The following CAMK1D variants were observed in gnomAD, a reference collection of about 807,000 sequenced individuals.
The protein encoded by CAMK1D is calcium/calmodulin-dependent protein kinase type 1D.
A neutral mutation model predicts 47.7 loss-of-function variants in CAMK1D; 9 were observed. That is an observed-to-expected ratio of 0.19 (90% CI 0.11 to 0.33). The LOEUF is 0.33. Ranked by LOEUF, CAMK1D falls within the 10% of genes least tolerant of loss-of-function variation. CAMK1D has a pLI of 1.00. For synonymous variants in CAMK1D, 184 were observed against 184.9 expected (o/e 0.99, Z 0.04); for missense variants, 291 against 488.7 (o/e 0.60, Z 3.81).
At chr10:12,354,909 A>G (rs926647459) in intron 1 of CAMK1D, among the ~76,000 whole-genome samples, 1 of 148,986 alleles carries the variant, frequency 6.7e-6, no homozygotes, top group South Asian at 2.1e-4. Context: ...TGGTGCGATC[A>G]TAGCTCACTG....
rs181965069 is a variant in CAMK1D, at chr10:12,373,647, C to A, written c.92+23737C>A. ...GCTCCATCTCAAAAAAACAAACAAA[C>A]AAACAAAAAAACACCCCAAAATCTC... is the stretch of plus-strand genomic sequence containing the variant. On this transcript the variant is annotated intron_variant, in intron 1 of 10. Transcript: ENST00000619168. Among the ~76,000 whole-genome samples the A allele has an allele frequency of 2.5e-3, 377 of 152,090 alleles. 2 individuals are homozygous for A. The highest frequency in any genetic ancestry group is 8.6e-3 in the African/African-American group (356 of 41,516).
chr10:12,769,347 C>T (rs1419989912), intron 4 of CAMK1D, among the ~76,000 whole-genome samples: 1 of 152,212 alleles, frequency 6.6e-6, no homozygotes, highest in Non-Finnish European at 1.5e-5. Flanking sequence ...TGGAATCTCC[C>T]TTCCCTAACC....
chr10:12,772,339 G>T (rs1025105923), intron 5 of CAMK1D, among the ~76,000 whole-genome samples: 3 of 152,180 alleles, frequency 2.0e-5, no homozygotes, highest in Non-Finnish European at 4.4e-5. Context: ...AGGTCATGAT[G>T]CTGGTTCTCT....
At chr10:12,768,403 A>C (rs1417846765) in intron 4 of CAMK1D, among the ~76,000 whole-genome samples, 1 of 152,174 alleles carries the variant, frequency 6.6e-6, no homozygotes, top group Non-Finnish European at 1.5e-5. Flanking sequence ...TCTGAAACCC[A>C]AGGTTCACCA....
rs1352115666 is a variant in CAMK1D at position 12,445,192 on chromosome 10, A to G, written c.92+95282A>G. Among the ~76,000 whole-genome samples, 4 of 152,052 alleles carry G rather than the reference A, an allele frequency of 2.6e-5. No homozygotes were observed. The East Asian group carries it at 7.7e-4, about 29-fold the overall frequency. ...GTCGTGCCCGAATTCCAAAGGGAGG[A>G]GGGTAGAATGAGGTGTGTCCGATCC... On this transcript the variant is annotated intron_variant, in intron 1 of 10. Transcript: ENST00000619168.
rs191620553 is a variant in CAMK1D at position 12,593,400 on chromosome 10, G to A, written c.224+40044G>A. Among the ~76,000 whole-genome samples, 5 of 152,042 alleles carry A rather than the reference G, an allele frequency of 3.3e-5. 1 individual carries two copies. In the East Asian group the frequency reaches 7.7e-4, roughly 24 times the overall value. ...AGGTCAGGAGTTCAACACCAGCCTG[G>A]TCAACATGGTGAAACCCTGTCTTTA... On this transcript the variant is annotated intron_variant, in intron 2 of 10. Transcript: ENST00000619168.
At chr10:12,658,950 G>A (rs1840196292) in intron 2 of CAMK1D, among the ~76,000 whole-genome samples, 1 of 152,204 alleles carries the variant, frequency 6.6e-6, no homozygotes, top group South Asian at 2.1e-4. Context: ...ATAAGGCAGA[G>A]GGTCTAATAG....
intron 3 of CAMK1D, among the ~76,000 whole-genome samples, chr10:12,719,871 G>C (rs1834304041): frequency 6.6e-6 from 1 of 152,228 alleles, no homozygotes; most frequent in African/African-American, 2.4e-5. Context: ...CAGTCCTCTG[G>C]GAAGTGTGGT....
At chr10:12,707,486 G>T (rs1342937206) in intron 3 of CAMK1D, among the ~76,000 whole-genome samples, 2 of 152,166 alleles carry the variant, frequency 1.3e-5, no homozygotes, top group Non-Finnish European at 2.9e-5. Context: ...GAGGTAGAGG[G>T]TCAAATAAAA....
intron 1 of CAMK1D, among the ~76,000 whole-genome samples, chr10:12,365,203 A>G (rs1837795059): frequency 6.6e-6 from 1 of 151,882 alleles, no homozygotes; most frequent in African/African-American, 2.4e-5. Flanking sequence ...TGATCCACCC[A>G]CCTTAGCCTC....
intron 3 of CAMK1D, among the ~76,000 whole-genome samples, chr10:12,725,617 G>A (rs931062952): frequency 6.6e-6 from 1 of 152,176 alleles, no homozygotes; most frequent in Admixed American, 6.5e-5. Flanking sequence ...TTTCTCAACA[G>A]TCTTCTCTCA....
At chr10:12,512,523 C>G (rs1045144542) in intron 1 of CAMK1D, among the ~76,000 whole-genome samples, 2 of 152,104 alleles carry the variant, frequency 1.3e-5, no homozygotes, top group African/African-American at 4.8e-5. Context: ...AGCAGCTGCC[C>G]GTTGGGAGAC....
At chr10:12,356,414 A>G (rs1333134777) in intron 1 of CAMK1D, among the ~76,000 whole-genome samples, 1 of 152,208 alleles carries the variant, frequency 6.6e-6, no homozygotes, top group Non-Finnish European at 1.5e-5. Context: ...ACGGGCAAGC[A>G]CACAGCCTTG....
intron 8 of CAMK1D, among the ~76,000 whole-genome samples, chr10:12,822,829 A>T (rs371702719): frequency 1.3e-5 from 2 of 152,162 alleles, no homozygotes; most frequent in South Asian, 4.2e-4. Flanking sequence ...CTTGTTTCAG[A>T]TGTAGTTGCC....
chr10:12,367,988 C>G (rs531782131), intron 1 of CAMK1D, among the ~76,000 whole-genome samples: 315 of 152,062 alleles, frequency 2.1e-3, no homozygotes, highest in African/African-American at 7.1e-3. Flanking sequence ...GTCAGGAGAT[C>G]GAGACCATCC....
At chr10:12,400,926 G>T (rs7923255) in intron 1 of CAMK1D, among the ~76,000 whole-genome samples, 2,482 of 148,508 alleles carry the variant, frequency 0.017, 65 homozygotes, top group African/African-American at 0.059. Context: ...AGACCAACCT[G>T]TGCAATATAG....
intron 1 of CAMK1D, among the ~76,000 whole-genome samples, chr10:12,446,364 G>A (rs1832925440): frequency 6.6e-6 from 1 of 152,150 alleles, no homozygotes; most frequent in African/African-American, 2.4e-5. Flanking sequence ...TCCTGATGTG[G>A]CCTTGGCATT....
chr10:12,614,570 G>A (rs1212979228), intron 2 of CAMK1D, among the ~76,000 whole-genome samples: 2 of 152,190 alleles, frequency 1.3e-5, no homozygotes, highest in Non-Finnish European at 2.9e-5. Flanking sequence ...ATGGGCAATT[G>A]AAATAATTTT....
chr10:12,405,371 G>A (rs1030201984), intron 1 of CAMK1D, among the ~76,000 whole-genome samples: 1 of 152,178 alleles, frequency 6.6e-6, no homozygotes, highest in Non-Finnish European at 1.5e-5. Flanking sequence ...GCACTCATCA[G>A]CGAGCCTCGG....
Sources: allele counts gnomAD v4.1 joint callset (sites outside exome capture counted in the v4.1 genomes callset), GRCh38; gene constraint gnomAD v4.1.1; transcripts MANE v1.5; gene names NCBI Gene and HGNC (gene_info 2026-07-23, HGNC 2026-07-21).